The following COPA variants were observed in gnomAD, a reference collection of about 807,000 sequenced individuals.
COPA encodes the protein coat protein complex I subunit alpha.
In COPA, 10 loss-of-function variants were observed where a neutral mutation model predicts 158.7. That is an observed-to-expected ratio of 0.06 (90% confidence interval 0.04 to 0.11). COPA has a LOEUF of 0.11. COPA is among the 10% of genes least tolerant of loss of function. The probability of loss-of-function intolerance (pLI) is 1.00; values close to 1 mark genes in which losing one functional copy is unlikely to be tolerated. For synonymous variants in COPA, 462 were observed against 542.8 expected, an observed-to-expected ratio of 0.85 and a Z score of 2.07; for missense variants, 1,065 against 1,536.7, an observed-to-expected ratio of 0.69 and a Z score of 5.13.
chr1:160,316,969 G>A (rs1659162971), intron 8 of COPA, among the ~76,000 whole-genome samples: 1 of 151,960 alleles, frequency 6.6e-6, no homozygotes, highest in Non-Finnish European at 1.5e-5. Context: ...ACAAAGAAAG[G>A]ATCCTAAAAT....
At chr1:160,314,666 C>T (rs980386195) in intron 8 of COPA, among the ~76,000 whole-genome samples, 6 of 152,210 alleles carry the variant, frequency 3.9e-5, no homozygotes, top group African/African-American at 1.4e-4. Context: ...ATTCTCCATC[C>T]CTTTATCCTG....
At chr1:160,314,265 T>G in intron 8 of COPA, 140 bp from the exon 9 acceptor site, 1 of 809,964 alleles carries the variant, frequency 1.2e-6, no homozygotes, top group Non-Finnish European at 1.9e-6. Flanking sequence ...TATGGCAATC[T>G]TCTTCATTTA....
At chr1:160,292,709 C>T (rs868733836) in intron 27 of COPA, 89 bp from the exon 28 acceptor site, 36 of 1,067,772 alleles carry the variant, frequency 3.4e-5, no homozygotes, top group African/African-American at 3.3e-4. Flanking sequence ...TCTCTGTTCA[C>T]GTTTCCTCAT....
intron 12 of COPA, 135 bp downstream of exon 12, chr1:160,310,057 G>C (rs1658914525): frequency 3.9e-6 from 2 of 507,920 alleles, no homozygotes; most frequent in African/African-American, 2.0e-5. Context: ...TTGAGTCTCT[G>C]AGTGATCACT....
intron 3 of COPA, among the ~76,000 whole-genome samples, chr1:160,338,898 C>G (rs548386621): frequency 6.6e-6 from 1 of 152,276 alleles, no homozygotes; most frequent in East Asian, 1.9e-4. Context: ...CCTTTGGCTC[C>G]TCCCTTCATG....
chr1:160,328,259 G>C (rs938386906), intron 6 of COPA, among the ~76,000 whole-genome samples: 10 of 152,174 alleles, frequency 6.6e-5, no homozygotes, highest in African/African-American at 2.2e-4. Flanking sequence ...TACAAAGATA[G>C]ACAGCTGTGA....
intron 12 of COPA, 133 bp from the exon 13 acceptor site, chr1:160,309,309 C>T (rs1461552145): frequency 1.5e-6 from 1 of 682,946 alleles, no homozygotes; most frequent in Non-Finnish European, 2.6e-6. Context: ...TTACCCTTCA[C>T]CCAGAGGGCA....
At chr1:160,317,369 T>G (rs1659184382) in intron 8 of COPA, 1 of 1,594,874 alleles carries the variant, frequency 6.3e-7, no homozygotes, top group South Asian at 1.1e-5. Context: ...GCCGCTGCTG[T>G]GCGGAGACCC....
Position 160,291,366 on chromosome 1 carries a change from T to C in COPA, c.3389A>G (p.Glu1130Gly). Reference sequence around the variant, plus strand: ...GGCCACCTCAGGCTTGGGCCCGAGTTCTAGTAGGCGCCGAGCAAAGGTGGC... The same window carrying C: ...GGCCACCTCAGGCTTGGGCCCGAGTCCTAGTAGGCGCCGAGCAAAGGTGGC... ...TAATFARRLL[E>G]LGPKPEVAQQ... Residue 1130 changes from glutamate (E) to glycine (G), a missense_variant, in exon 31 of 33, where the codon GAA (glutamate) becomes GGA (glycine). Glu to Gly is a moderately conservative substitution (Grantham distance 98). Coordinates refer to ENST00000241704, the MANE Select transcript of COPA (RefSeq NM_004371.4). The C allele has an allele frequency of 6.2e-7, 1 of 1,613,922 alleles. No homozygotes were observed. Among genetic ancestry groups the C allele is most frequent in the Non-Finnish European group, 8.5e-7 (1 of 1,179,930 alleles).
intron 6 of COPA, among the ~76,000 whole-genome samples, chr1:160,330,130 A>C (rs1292944071): frequency 6.6e-6 from 1 of 151,666 alleles, no homozygotes; most frequent in East Asian, 2.0e-4. Context: ...ACCCCCCCCA[A>C]AAAAAAATTG....
In COPA at chr1:160,291,993, A is replaced by G; in HGVS notation, c.3147+19T>C. On this transcript the variant is annotated intron_variant, in intron 29 of 32. Transcript: ENST00000241704. ...ATGTGGAAGTGCCCAGAACTGGGAC[A>G]GCGGCTAGACCCTCCTACCTCTGCA... 1 of 1,614,192 alleles carries G rather than the reference A, an allele frequency of 6.2e-7. No individual in the cohort carries two copies. Among genetic ancestry groups the G allele is most frequent in the Non-Finnish European group, 8.5e-7 (1 of 1,180,000 alleles).
At chr1:160,323,770 T>C (rs1354247473) in intron 7 of COPA, among the ~76,000 whole-genome samples, 1 of 152,234 alleles carries the variant, frequency 6.6e-6, no homozygotes, top group Admixed American at 6.5e-5. Context: ...TCAGCCTCAT[T>C]TGCATTTAGG....
chr1:160,336,622 C>T (rs975341443), intron 3 of COPA, among the ~76,000 whole-genome samples: 4 of 152,136 alleles, frequency 2.6e-5, no homozygotes, highest in Non-Finnish European at 5.9e-5. Flanking sequence ...AAACCAGGAT[C>T]ATAAATATAA....
In COPA at chr1:160,297,731, T is replaced by G. The variant is rs139463368; in HGVS notation, c.1992A>C (p.Ala664=). The change falls in exon 20 of 33, where the codon GCA becomes GCC. Residue 664 remains alanine, a synonymous_variant. Transcript: ENST00000241704. Reference sequence around the variant, plus strand: ...AGTTCTTGTCATCCAGTGCTTTGGCTGCTTCCAGAGCAATCTAAAGAATCC... The same window carrying G: ...AGTTCTTGTCATCCAGTGCTTTGGCGGCTTCCAGAGCAATCTAAAGAATCC... ...ECGNIEIALE[A]AKALDDKNCW... is the part of the protein sequence containing the mutation. 1.4e-5 allele frequency: 22 copies of G among 1,613,900 alleles called. No homozygotes were observed. Among genetic ancestry groups the G allele is most frequent in the Middle Eastern group, 1.6e-4 (1 of 6,084 alleles).
At chr1:160,307,014 G>C in intron 14 of COPA, 149 bp downstream of exon 14, 1 of 768,464 alleles carries the variant, frequency 1.3e-6, no homozygotes, top group Non-Finnish European at 2.3e-6. Flanking sequence ...AGAGGGCTTA[G>C]TGTAGGGCTA....
Position 160,305,776 on chromosome 1 carries a change from GAGAT to G in COPA, c.1443-7_1443-4del, listed in dbSNP as rs1369535534. The G allele has an allele frequency of 8.1e-6, 13 of 1,610,368 alleles. No individual in the cohort carries two copies. The highest frequency in any genetic ancestry group is 1.7e-5 in the Admixed American group (1 of 60,006). ...AAATCTTCACAGATGCCAGAGTCCT[GAGAT>G]AGATAGAGATGTGCAAACATGAATG... On this transcript the variant is annotated splice_polypyrimidine_tract_variant and splice_region_variant and intron_variant, in intron 15 of 32. Coordinates refer to ENST00000241704, the MANE Select transcript of COPA (RefSeq NM_004371.4).
At chr1:160,313,879 G>T in intron 9 of COPA, 111 bp downstream of exon 9, 6 of 1,031,820 alleles carry the variant, frequency 5.8e-6, no homozygotes, top group South Asian at 2.8e-5. Context: ...CATAATATAT[G>T]ATTTGATTTG....
At chr1:160,316,760 A>G (rs973797000) in intron 8 of COPA, among the ~76,000 whole-genome samples, 1 of 152,108 alleles carries the variant, frequency 6.6e-6, no homozygotes, top group Non-Finnish European at 1.5e-5. Flanking sequence ...CAAAAAAAAA[A>G]AAAAAGAATG....
rs371634008 is a variant in COPA, at chr1:160,323,413, T to C, written c.706+18A>G. The C allele has an allele frequency of 1.2e-4, 198 of 1,584,306 alleles. No homozygotes were observed. Among genetic ancestry groups the C allele is most frequent in the Non-Finnish European group, 1.7e-4 (193 of 1,162,204 alleles). ...GGCAGTTTCTTAGATATGGCGATAA[T>C]GTAACCGGTTCACTCACCATTCATG... On this transcript the variant is annotated intron_variant, in intron 8 of 32. Transcript: ENST00000241704.
Sources: allele counts gnomAD v4.1 joint callset (sites outside exome capture counted in the v4.1 genomes callset), GRCh38; gene constraint gnomAD v4.1.1; transcripts MANE v1.5; gene names NCBI Gene and HGNC (gene_info 2026-07-23, HGNC 2026-07-21).